The following SECISBP2 variants were observed in gnomAD, a reference collection of about 807,000 sequenced individuals.
SECISBP2 encodes the protein SECIS binding protein 2.
In SECISBP2, 96 loss-of-function variants were observed where a neutral mutation model predicts 98.2. The observed-to-expected ratio is 0.98, with a 90% confidence interval of 0.83 to 1.16. SECISBP2 has a LOEUF of 1.16. Among genes scored for constraint, SECISBP2 ranks in the 50% most tolerant of loss-of-function variants. The probability of loss-of-function intolerance (pLI) is 0.00; values close to 1 mark genes in which losing one functional copy is unlikely to be tolerated. For missense variants in SECISBP2, 1,046 were observed against 1,022.9 expected (o/e 1.02, Z -0.31); for synonymous variants, 407 against 370.2 (o/e 1.10, Z -1.14).
intron 14 of SECISBP2, 40 bp from the exon 15 acceptor site, chr9:89,357,371 T>C: frequency 6.2e-7 from 1 of 1,612,978 alleles, no homozygotes; most frequent in Non-Finnish European, 8.5e-7. Flanking sequence ...ACACTCCATG[T>C]GACATGTCTT....
the SECISBP2 span, chr9:89,365,191 A>G: frequency 6.6e-6 from 1 of 152,572 alleles, no homozygotes; most frequent in East Asian, 1.9e-4. Context: ...CAGAGCGTAC[A>G]GACCCTGGAG....
At chr9:89,349,728 T>C in intron 12 of SECISBP2, 48 bp from the exon 13 acceptor site, 1 of 1,608,888 alleles carries the variant, frequency 6.2e-7, no homozygotes, top group Non-Finnish European at 8.5e-7. Flanking sequence ...CCTCAGTGTG[T>C]GCACTGGGCC....
At chr9:89,336,827 A>G (rs1272271273) in intron 7 of SECISBP2, among the ~76,000 whole-genome samples, 1 of 131,946 alleles carries the variant, frequency 7.6e-6, no homozygotes, top group East Asian at 2.2e-4. Flanking sequence ...GTTGGAGTGC[A>G]ATGGCGTGAT....
chr9:89,341,861 C>T (rs544546788), intron 10 of SECISBP2, among the ~76,000 whole-genome samples: 38 of 152,256 alleles, frequency 2.5e-4, no homozygotes, highest in African/African-American at 7.7e-4. Context: ...TAAAAGAAAA[C>T]GGGTAAATCT....
At chr9:89,366,168 C>T in the SECISBP2 span, among the ~76,000 whole-genome samples, 3 of 152,178 alleles carry the variant, frequency 2.0e-5, no homozygotes, top group Admixed American at 2.0e-4. Context: ...ATAAGTGAAA[C>T]AATATCTAGG....
intron 14 of SECISBP2, chr9:89,356,540 C>G (rs1832102816): frequency 6.6e-6 from 1 of 152,156 alleles, no homozygotes; most frequent in Non-Finnish European, 1.5e-5. Flanking sequence ...CTCATTGCAG[C>G]CTTGAACTCC....
rs763172059 is a variant in SECISBP2 at position 89,346,953 on chromosome 9, A to AC, written c.1511dup (p.His505AlafsTer55). On this transcript the variant is annotated frameshift_variant, in exon 11 of 17. Coordinates refer to ENST00000375807, the MANE Select transcript of SECISBP2 (RefSeq NM_024077.5). LOFTEE classifies it high-confidence loss of function. ...AGGCCGCCGCATGAGTCAAATGAAG[A>AC]CCCCGCACAATCCCTTGGACTCCAG... 6.2e-7 allele frequency: 1 copy of AC among 1,614,016 alleles called. No homozygotes were observed. Among genetic ancestry groups the AC allele is most frequent in the Non-Finnish European group, 8.5e-7 (1 of 1,179,996 alleles).
In SECISBP2 at chr9:89,346,821, C is replaced by T. The variant is rs146747327; in HGVS notation, c.1436-61C>T. The T allele has an allele frequency of 4.0e-5, 64 of 1,608,486 alleles. 1 individual carries two copies. In the Middle Eastern group the frequency reaches 5.5e-4, roughly 14 times the overall value. On this transcript the variant is annotated intron_variant, in intron 10 of 16. Coordinates refer to ENST00000375807, the MANE Select transcript of SECISBP2 (RefSeq NM_024077.5). ...AGGCAGCCCCTGGGCGAGCTGCGAT[C>T]CAAGAGCTGGGTGGGGCATCTGGGA...
At chr9:89,334,876 C>T (rs1828368256) in intron 7 of SECISBP2, 146 bp downstream of exon 7, 2 of 698,938 alleles carry the variant, frequency 2.9e-6, no homozygotes, top group African/African-American at 1.8e-5. Context: ...ATGATGGTTG[C>T]ACAACAGTGA....
At chr9:89,338,672 A>C in intron 8 of SECISBP2, 92 bp downstream of exon 8, 1 of 1,304,892 alleles carries the variant, frequency 7.7e-7, no homozygotes, top group Admixed American at 2.0e-5. Context: ...CTAAGTGAAA[A>C]TCTCCAGGGC....
At chr9:89,338,318 CAG>C (rs143302971) in intron 7 of SECISBP2, 138 bp from the exon 8 acceptor site, 28,267 of 993,686 alleles carry the variant, frequency 0.028, 1,784 homozygotes, top group East Asian at 0.2. Flanking sequence ...TTTTAAAAAA[CAG>C]GGGATGAGGA....
chr9:89,352,216 C>A (rs989389744), intron 14 of SECISBP2, among the ~76,000 whole-genome samples: 4 of 152,196 alleles, frequency 2.6e-5, no homozygotes, highest in Non-Finnish European at 5.9e-5. Flanking sequence ...AGCCAGCTGC[C>A]TCAGTCTCCT....
intron 7 of SECISBP2, among the ~76,000 whole-genome samples, chr9:89,336,664 T>C (rs1280373939): frequency 3.3e-5 from 5 of 151,740 alleles, no homozygotes; most frequent in Non-Finnish European, 7.4e-5. Context: ...ACCCTTCCTT[T>C]TGTGCACACA....
At chr9:89,336,215 T>C (rs569759561) in intron 7 of SECISBP2, among the ~76,000 whole-genome samples, 112 of 151,786 alleles carry the variant, frequency 7.4e-4, no homozygotes, top group African/African-American at 2.2e-3. Context: ...TTTGTATTTT[T>C]TATAGAGACA....
intron 10 of SECISBP2, among the ~76,000 whole-genome samples, chr9:89,342,984 T>A (rs1459409930): frequency 6.6e-6 from 1 of 152,248 alleles, no homozygotes; most frequent in African/African-American, 2.4e-5. Context: ...AAAATTGATC[T>A]TATTAAAAGA....
intron 14 of SECISBP2, 121 bp from the exon 15 acceptor site, chr9:89,357,290 T>C: frequency 9.4e-7 from 1 of 1,069,514 alleles, no homozygotes; most frequent in Non-Finnish European, 1.4e-6. Context: ...TTCAGGGGCG[T>C]CTGCCTTGGA....
chr9:89,341,236 CT>C, intron 9 of SECISBP2, 110 bp from the exon 10 acceptor site: 1 of 1,064,608 alleles, frequency 9.4e-7, no homozygotes, highest in Admixed American at 2.8e-5. Context: ...TTTAAAAATT[CT>C]TTTTTATAGT....
At chr9:89,319,060 C>T in intron 1 of SECISBP2, 6 of 1,008,226 alleles carry the variant, frequency 6.0e-6, no homozygotes, top group Non-Finnish European at 4.7e-6. Flanking sequence ...ATAAAATTCT[C>T]GGTGAAAGTA....
chr9:89,323,928 A>T (rs1486212974), intron 2 of SECISBP2: 1 of 152,206 alleles, frequency 6.6e-6, no homozygotes, highest in African/African-American at 2.4e-5. Context: ...TAGGACCCCA[A>T]CCAAGGTCTC....
Sources: gnomAD v4.1 joint callset for allele counts (sites outside exome capture counted in the v4.1 genomes callset) on GRCh38, gnomAD v4.1.1 for gene constraint, MANE v1.5 for transcripts, NCBI Gene and HGNC (gene_info 2026-07-23, HGNC 2026-07-21) for gene names.